The following PLD2 variants were observed in gnomAD, a reference collection of about 807,000 sequenced individuals.
The protein encoded by PLD2 is choline phosphatase 2.
Under a neutral mutation model 119.8 loss-of-function variants are expected in PLD2, and 101 were observed. That is an observed-to-expected ratio of 0.84 (90% CI 0.72 to 0.99). The LOEUF (loss-of-function observed/expected upper bound fraction) is 0.99. Among genes scored for constraint, PLD2 ranks in the 50% least tolerant of loss-of-function variants. The probability of loss-of-function intolerance (pLI) is 0.00; values close to 1 mark genes in which losing one functional copy is unlikely to be tolerated. For missense variants in PLD2, 1,164 were observed against 1,226.8 expected (o/e 0.95, Z 0.76); for synonymous variants, 494 against 482.8 (o/e 1.02, Z -0.30).
chr17:4,818,859 C>T, intron 21 of PLD2, 36 bp downstream of exon 21: 1 of 1,607,132 alleles, frequency 6.2e-7, no homozygotes, highest in Non-Finnish European at 8.5e-7. Context: ...AGCCCTGGGC[C>T]CCTGGGAGAG....
At chr17:4,811,954 A>G (rs1236462017) in intron 10 of PLD2, among the ~76,000 whole-genome samples, 1 of 151,986 alleles carries the variant, frequency 6.6e-6, no homozygotes, top group Non-Finnish European at 1.5e-5. Flanking sequence ...AGCTGAGACT[A>G]CAGACACATG....
intron 12 of PLD2, 140 bp from the exon 13 acceptor site, chr17:4,815,336 G>A (rs1456777839): frequency 2.9e-6 from 2 of 684,006 alleles, no homozygotes; most frequent in Non-Finnish European, 5.3e-6. Context: ...TCTGTGGCAA[G>A]CAGCAAAGCA....
rs1234344761 is a variant in PLD2, at chr17:4,818,496, A to G, written c.2012A>G (p.Gln671Arg). ...CTCTGACTCCACCCCCTCCCCAGACAGGGGTGGTGTTACCGAGTCTACGTG... is the reference window on the plus strand; with the variant it reads ...CTCTGACTCCACCCCCTCCCCAGACGGGGGTGGTGTTACCGAGTCTACGTG... Reference protein sequence around the residue: ...IVDRILKAHKQGWCYRVYVLL... With the variant: ...IVDRILKAHKRGWCYRVYVLL... Residue 671 changes from glutamine (Q) to arginine (R), a missense_variant and splice_region_variant, in exon 20 of 25, where the codon CAG becomes CGG. Coordinates refer to ENST00000263088, the MANE Select transcript of PLD2 (RefSeq NM_002663.5). 3.1e-6 allele frequency: 5 copies of G among 1,610,116 alleles called. No homozygotes were observed. The African/African-American group carries it at 4.0e-5, about 13-fold the overall frequency.
At chr17:4,818,230 A>C in intron 18 of PLD2, 67 bp from the exon 19 acceptor site, 1 of 1,483,942 alleles carries the variant, frequency 6.7e-7, no homozygotes, top group Non-Finnish European at 9.4e-7. Context: ...GCCTGGGACC[A>C]AGGCTGGAGG....
At position 4,815,532 on chromosome 17, in the gene PLD2, C is replaced by T. The variant is rs773948288; in HGVS notation, c.1230C>T (p.Gly410=). Residue 410 remains glycine (G), a synonymous_variant, in exon 13 of 25, where the codon GGC becomes GGT. Coordinates refer to ENST00000263088, the MANE Select transcript of PLD2 (RefSeq NM_002663.5). ...LLFKEVELAL[G]INSGYSKRAL... Reference sequence around the variant, plus strand: ...TTAAAGAAGTGGAATTGGCCTTGGGCATCAACAGTGGCTATAGCAAGAGGG... The same window carrying T: ...TTAAAGAAGTGGAATTGGCCTTGGGTATCAACAGTGGCTATAGCAAGAGGG... 1 of 1,613,580 alleles carries T rather than the reference C, an allele frequency of 6.2e-7. No homozygotes were observed.
chr17:4,819,292 G>C lies in PLD2; in HGVS notation c.2308+74G>C. 1 of 1,601,482 alleles carries C rather than the reference G, an allele frequency of 6.2e-7. No individual in the cohort carries two copies. The highest frequency in any genetic ancestry group is 2.2e-5 in the East Asian group (1 of 44,714). ...CGAAGAGATGAGAGGCAGGATGACAGAGACTGCAGCTGAGGCTCGTGTAGG... is the reference window on the plus strand; with the variant it reads ...CGAAGAGATGAGAGGCAGGATGACACAGACTGCAGCTGAGGCTCGTGTAGG... On this transcript the variant is annotated intron_variant, in intron 22 of 24. Transcript: ENST00000263088. The surrounding 1 kb of genome is among the most constrained non-coding windows in gnomAD (Gnocchi z 4.2).
Position 4,819,074 on chromosome 17 carries a change from T to C in PLD2, c.2174-10T>C. The C allele has an allele frequency of 6.2e-7, 1 of 1,613,974 alleles. No homozygotes were observed. The highest frequency in any genetic ancestry group is 1.1e-5 in the South Asian group (1 of 91,074). The stretch of plus-strand genomic sequence containing the variant: ...CCACCTCTCACCTCACTTCCCCTCC[T>C]GTCACGCAGTGGGGACAGCATGGCG... On this transcript the variant is annotated splice_polypyrimidine_tract_variant and intron_variant, in intron 21 of 24. Coordinates refer to ENST00000263088, the MANE Select transcript of PLD2 (RefSeq NM_002663.5). The surrounding 1 kb of genome is among the most constrained non-coding windows in gnomAD (Gnocchi z 4.2).
chr17:4,809,194 G>A lies in PLD2; in HGVS notation c.478G>A (p.Ala160Thr). 6.2e-7 allele frequency: 1 copy of A among 1,614,168 alleles called. No homozygotes were observed. Among genetic ancestry groups the A allele is most frequent in the Non-Finnish European group, 8.5e-7 (1 of 1,180,006 alleles). Residue 160 changes from alanine (A) to threonine (T), a missense_variant, in exon 5 of 25, where the codon GCC becomes ACC. Coordinates refer to ENST00000263088, the MANE Select transcript of PLD2 (RefSeq NM_002663.5). ...TCCTGAGGGCTCCACCAGACATGCA[G>A]CCAGCAAACAGGTGGGACCAGATGC... ...AGPEGSTRHA[A>T]SKQKYLENYL...
At chr17:4,821,276 T>A (rs1427224383) in intron 23 of PLD2, among the ~76,000 whole-genome samples, 1 of 151,932 alleles carries the variant, frequency 6.6e-6, no homozygotes, top group Non-Finnish European at 1.5e-5. Flanking sequence ...AAGAAGAAAA[T>A]TTAAAATAAA....
chr17:4,810,354 G>C (rs1347452815), intron 9 of PLD2, among the ~76,000 whole-genome samples: 2 of 152,146 alleles, frequency 1.3e-5, no homozygotes, highest in African/African-American at 2.4e-5. Flanking sequence ...CTATGAGTAA[G>C]GTGGATATGG....
rs1266132594 is a variant in PLD2, at chr17:4,818,320, A to G, written c.1944A>G (p.Ser648=). The change falls in exon 19 of 25, where the codon TCA becomes TCG. Residue 648 remains serine, a synonymous_variant. Transcript: ENST00000263088. ...YIENQFFISC[S]DGRTVLNKVG... ...AGAATCAGTTCTTCATTAGCTGCTC[A>G]GATGGGCGGACGGTTCTGAACAAGG... is the stretch of plus-strand genomic sequence containing the variant. 1 of 1,614,130 alleles carries G rather than the reference A, an allele frequency of 6.2e-7. No homozygotes were observed. Among genetic ancestry groups the G allele is most frequent in the Non-Finnish European group, 8.5e-7 (1 of 1,179,958 alleles).
intron 24 of PLD2, among the ~76,000 whole-genome samples, 177 bp from the exon 25 acceptor site, chr17:4,822,463 G>T (rs1456260868): frequency 6.6e-6 from 1 of 150,670 alleles, no homozygotes; most frequent in Non-Finnish European, 1.5e-5. Flanking sequence ...TTGCACTCCA[G>T]CCTGGGCAAA....
chr17:4,812,399 A>G (rs1740325698), intron 10 of PLD2, among the ~76,000 whole-genome samples: 1 of 148,472 alleles, frequency 6.7e-6, no homozygotes. Context: ...GGTTCAAGTG[A>G]TTCTTCTGCC....
intron 17 of PLD2, among the ~76,000 whole-genome samples, chr17:4,817,739 A>C (rs1434388934): frequency 6.6e-6 from 1 of 151,506 alleles, no homozygotes; most frequent in African/African-American, 2.4e-5. Context: ...CAGGCGGATC[A>C]CGAGGTCCGG....
In PLD2 at chr17:4,817,993, A is replaced by G; in HGVS notation, c.1816-9A>G. ...AGAAATGAAGCACATCGCATTCACC[A>G]TTCCCTAGGTCTTGCGATCAGTGGA... On this transcript the variant is annotated splice_polypyrimidine_tract_variant and intron_variant, in intron 17 of 24. Coordinates refer to ENST00000263088, the MANE Select transcript of PLD2 (RefSeq NM_002663.5). 7.5e-6 allele frequency: 12 copies of G among 1,592,606 alleles called. No individual in the cohort carries two copies. The highest frequency in any genetic ancestry group is 1.0e-5 in the Non-Finnish European group (12 of 1,160,628).
chr17:4,818,451 G>T (rs1361171104), intron 19 of PLD2, 43 bp from the exon 20 acceptor site: 1 of 1,601,264 alleles, frequency 6.2e-7, no homozygotes, highest in Non-Finnish European at 8.6e-7. Context: ...AGGGGGTGGG[G>T]TTTGAGGGAC....
chr17:4,809,871 C>T lies in PLD2; in HGVS notation c.708-6C>T. The stretch of plus-strand genomic sequence containing the variant: ...GAGAGGAACACACGGAGCCCTTCTG[C>T]TCTAGGTGGCTGGTGGTGAAGGACT... On this transcript the variant is annotated splice_polypyrimidine_tract_variant and splice_region_variant and intron_variant, in intron 8 of 24. Coordinates refer to ENST00000263088, the MANE Select transcript of PLD2 (RefSeq NM_002663.5). The T allele has an allele frequency of 6.2e-7, 1 of 1,614,180 alleles. No homozygotes were observed. The highest frequency in any genetic ancestry group is 8.5e-7 in the Non-Finnish European group (1 of 1,180,030).
At chr17:4,820,665 G>C (rs533252967) in intron 23 of PLD2, among the ~76,000 whole-genome samples, 2 of 120,852 alleles carry the variant, frequency 1.7e-5, no homozygotes, top group African/African-American at 6.4e-5. Context: ...AGGCTCCGCC[G>C]CCCAGGGTTC....
chr17:4,811,682 G>A (rs577092729), intron 10 of PLD2, among the ~76,000 whole-genome samples: 4 of 152,328 alleles, frequency 2.6e-5, no homozygotes, highest in African/African-American at 7.2e-5. Context: ...TGAACTTGCC[G>A]TACTGGTGAT....
Sources: allele counts gnomAD v4.1 joint callset (sites outside exome capture counted in the v4.1 genomes callset), GRCh38; gene constraint gnomAD v4.1.1; non-coding constraint Gnocchi (gnomAD v3.1); transcripts MANE v1.5; gene names NCBI Gene and HGNC (gene_info 2026-07-23, HGNC 2026-07-21).